Variants in KIAA0586 observed in about 807,000 individuals in gnomAD.
KIAA0586 encodes the protein protein TALPID3.
Under a neutral mutation model 169.8 loss-of-function variants are expected in KIAA0586, and 144 were observed. The observed-to-expected ratio is 0.85, with a 90% CI of 0.74 to 0.97. The LOEUF (loss-of-function observed/expected upper bound fraction) is 0.97, where lower values mean the gene tolerates loss of function less well. Ranked by LOEUF, KIAA0586 falls within the 50% of genes least tolerant of loss-of-function variation. The pLI is 0.00. For missense variants in KIAA0586, 1,854 were observed against 1,823.0 expected (o/e 1.02, Z -0.31); for synonymous variants, 625 against 612.4 (o/e 1.02, Z -0.30).
At chr14:58,490,106 T>A in intron 24 of KIAA0586, 58 bp from the exon 25 acceptor site, 1 of 825,272 alleles carries the variant, frequency 1.2e-6, no homozygotes. Flanking sequence ...TATGGTCAGA[T>A]TATTTACTAA....
In KIAA0586 at chr14:58,548,721, G is replaced by A. The variant is rs2047126071; in HGVS notation, c.*789G>A. On this transcript the variant is annotated 3_prime_UTR_variant, in exon 31 of 31. Coordinates refer to ENST00000652326, the MANE Select transcript of KIAA0586 (RefSeq NM_001329943.3). Reference sequence around the variant, plus strand: ...TGAGATTAATTTTTATATGCCTTATGTATACCATATAAACCTTTATAAACC... The same window carrying A: ...TGAGATTAATTTTTATATGCCTTATATATACCATATAAACCTTTATAAACC... The A allele has an allele frequency of 6.6e-6, 1 of 152,116 alleles. No homozygotes were observed. The highest frequency in any genetic ancestry group is 2.4e-5 in the African/African-American group (1 of 41,424). 9.4% of individuals were successfully genotyped at this position (152,116 alleles called of 1,614,324 possible).
chr14:58,516,376 G>A (rs914691251), intron 29 of KIAA0586, among the ~76,000 whole-genome samples: 5 of 152,106 alleles, frequency 3.3e-5, no homozygotes, highest in African/African-American at 1.2e-4. Flanking sequence ...CAGGGTATAG[G>A]TGAAAACCTA....
At chr14:58,473,156 C>A (rs2041354999) in intron 18 of KIAA0586, among the ~76,000 whole-genome samples, 1 of 151,594 alleles carries the variant, frequency 6.6e-6, no homozygotes, top group Non-Finnish European at 1.5e-5. Context: ...CTTCATTTTT[C>A]AATGGAATAA....
chr14:58,508,890 A>G (rs769382294), intron 28 of KIAA0586, among the ~76,000 whole-genome samples, 181 bp downstream of exon 28: 6 of 152,176 alleles, frequency 3.9e-5, no homozygotes, highest in Non-Finnish European at 8.8e-5. Flanking sequence ...CCTAGAACAC[A>G]TTACTTAGCC....
intron 16 of KIAA0586, among the ~76,000 whole-genome samples, chr14:58,468,311 A>G (rs1188645504): frequency 6.6e-6 from 1 of 152,042 alleles, no homozygotes; most frequent in Non-Finnish European, 1.5e-5. Flanking sequence ...TTGGCCTCCC[A>G]AAGTGCTGGG....
At chr14:58,529,127 C>G (rs561544072) in intron 29 of KIAA0586, among the ~76,000 whole-genome samples, 42 of 152,236 alleles carry the variant, frequency 2.8e-4, no homozygotes, top group African/African-American at 9.6e-4. Flanking sequence ...AATTCCTGGA[C>G]ACATACACCC....
chr14:58,453,428 C>A lies in KIAA0586; in HGVS notation c.1208C>A (p.Ser403Ter). 1 of 1,522,240 alleles carries A rather than the reference C, an allele frequency of 6.6e-7. No individual in the cohort carries two copies. Among genetic ancestry groups the A allele is most frequent in the East Asian group, 2.5e-5 (1 of 40,502 alleles). The allele number at this position is 1,522,240 out of a possible 1,614,324, so 94.3% of individuals were successfully genotyped here. ...AAAAGTGAATCATCAAACACCACCTCACTAACTAGGTCAAAAATAGGATGG... is the reference window on the plus strand; with the variant it reads ...AAAAGTGAATCATCAAACACCACCTAACTAACTAGGTCAAAAATAGGATGG... ...TRKSESSNTTSLTRSKIGWTP... is the reference protein window; with the variant it reads ...TRKSESSNTT Residue 403 changes from serine to a stop codon, truncating the protein, a stop_gained, in exon 9 of 31, where the codon TCA becomes TAA. Transcript: ENST00000652326. LOFTEE classifies it high-confidence loss of function.
intron 27 of KIAA0586, among the ~76,000 whole-genome samples, chr14:58,501,501 A>C (rs1341067085): frequency 2.6e-5 from 4 of 152,250 alleles, no homozygotes; most frequent in African/African-American, 9.6e-5. Flanking sequence ...GAAATGTTAC[A>C]GAATAAACTC....
chr14:58,488,320 A>G (rs2042612190), intron 23 of KIAA0586, among the ~76,000 whole-genome samples: 3 of 152,196 alleles, frequency 2.0e-5, no homozygotes, highest in Non-Finnish European at 4.4e-5. Flanking sequence ...ATAGCTAGAA[A>G]TAAAGGTATC....
intron 27 of KIAA0586, 72 bp from the exon 28 acceptor site, chr14:58,508,483 C>A: frequency 8.2e-7 from 1 of 1,216,950 alleles, no homozygotes; most frequent in Non-Finnish European, 1.2e-6. Flanking sequence ...TGGTTTTAGT[C>A]AACTACTTGT....
In KIAA0586 at chr14:58,458,517, G is replaced by A. The variant is rs2040056684; in HGVS notation, c.1628G>A (p.Trp543Ter). The A allele has an allele frequency of 6.5e-7, 1 of 1,542,090 alleles. No homozygotes were observed. Among genetic ancestry groups the A allele is most frequent in the Non-Finnish European group, 8.8e-7 (1 of 1,140,914 alleles). Residue 543 changes from tryptophan to a stop codon, truncating the protein, a stop_gained, in exon 12 of 31, where the codon TGG becomes TAG. Coordinates refer to ENST00000652326, the MANE Select transcript of KIAA0586 (RefSeq NM_001329943.3). LOFTEE classifies it high-confidence loss of function. Reference sequence around the variant, plus strand: ...AGGATCAGAAAGACAGTGGATGAATGGATTAAAACTATTTCTGCAGAAATT... The same window carrying A: ...AGGATCAGAAAGACAGTGGATGAATAGATTAAAACTATTTCTGCAGAAATT... ...KIRIRKTVDEWIKTISAEIQD... is the reference protein window; with the variant it reads ...KIRIRKTVDE
chr14:58,474,157 T>TGA (rs1244171511), intron 18 of KIAA0586, among the ~76,000 whole-genome samples: 1 of 152,118 alleles, frequency 6.6e-6, no homozygotes, highest in Non-Finnish European at 1.5e-5. Flanking sequence ...AAGCCATTCA[T>TGA]GAGGGATCTG....
At chr14:58,497,056 C>G (rs540913700) in intron 26 of KIAA0586, among the ~76,000 whole-genome samples, 351 of 151,788 alleles carry the variant, frequency 2.3e-3, no homozygotes, top group Non-Finnish European at 4.0e-3. Context: ...CTCACCACAA[C>G]CTCCACCTCC....
At chr14:58,473,285 A>G (rs1048553109) in intron 18 of KIAA0586, among the ~76,000 whole-genome samples, 4 of 152,170 alleles carry the variant, frequency 2.6e-5, no homozygotes, top group Non-Finnish European at 4.4e-5. Flanking sequence ...GAAAGTGGCT[A>G]GATGAGACAA....
intron 30 of KIAA0586, among the ~76,000 whole-genome samples, chr14:58,541,673 A>G (rs1040172639): frequency 6.6e-6 from 1 of 152,262 alleles, no homozygotes; most frequent in African/African-American, 2.4e-5. Flanking sequence ...TCTGACATCC[A>G]AAAACAGAAA....
chr14:58,487,880 C>T lies in KIAA0586; in HGVS notation c.3305-7C>T, dbSNP rs371595613. On this transcript the variant is annotated splice_region_variant and splice_polypyrimidine_tract_variant and intron_variant, in intron 22 of 30. Transcript: ENST00000652326. ...CTTTTTCTGTCCTTTTAAAAAAAAA[C>T]CTTTAGGAGATGATATGCCTGCCAT... The T allele has an allele frequency of 2.1e-6, 3 of 1,440,840 alleles. No homozygotes were observed. The highest frequency in any genetic ancestry group is 1.2e-5 in the South Asian group (1 of 83,268). 89.3% of individuals were successfully genotyped at this position (1,440,840 alleles called of 1,614,324 possible).
At chr14:58,451,636 C>T (rs143025694) in intron 8 of KIAA0586, among the ~76,000 whole-genome samples, 18 of 152,186 alleles carry the variant, frequency 1.2e-4, no homozygotes, top group East Asian at 3.9e-4. Flanking sequence ...AATAATAAAA[C>T]GTAGAGAAAC....
At chr14:58,508,490 T>G in intron 27 of KIAA0586, 65 bp from the exon 28 acceptor site, 2 of 1,283,942 alleles carry the variant, frequency 1.6e-6, no homozygotes, top group Non-Finnish European at 2.2e-6. Flanking sequence ...AGTCAACTAC[T>G]TGTTCATTTT....
At chr14:58,457,631 C>G (rs1198915584) in intron 10 of KIAA0586, 128 bp from the exon 11 acceptor site, 1 of 601,586 alleles carries the variant, frequency 1.7e-6, no homozygotes, top group Non-Finnish European at 2.9e-6. Context: ...TGTAAGTCTT[C>G]AGTTTGACAA....
Sources: gnomAD v4.1 joint callset for allele counts (sites outside exome capture counted in the v4.1 genomes callset) on GRCh38, gnomAD v4.1.1 for gene constraint, MANE v1.5 for transcripts, NCBI Gene and HGNC (gene_info 2026-07-23, HGNC 2026-07-21) for gene names.